Variants in INPP5B observed in about 807,000 individuals in gnomAD.
INPP5B encodes type II inositol 1,4,5-trisphosphate 5-phosphatase.
A neutral mutation model predicts 118.5 loss-of-function variants in INPP5B; 90 were observed. That is an observed-to-expected ratio of 0.76 (90% CI 0.64 to 0.90). The LOEUF (loss-of-function observed/expected upper bound fraction) is 0.90. INPP5B is among the 40% of genes least tolerant of loss of function. INPP5B has a pLI of 0.00. For missense variants in INPP5B, 984 were observed against 1,125.6 expected, an observed-to-expected ratio of 0.87 and a Z score of 1.80; for synonymous variants, 385 against 418.9, an observed-to-expected ratio of 0.92 and a Z score of 0.99.
chr1:37,874,680 C>T (rs1642681347), intron 17 of INPP5B, among the ~76,000 whole-genome samples: 1 of 152,140 alleles, frequency 6.6e-6, no homozygotes, highest in African/African-American at 2.4e-5. Flanking sequence ...GCCTGTAATC[C>T]CAGCTACTGG....
chr1:37,872,930 C>T lies in INPP5B; in HGVS notation c.2187G>A (p.Leu729=). 6.2e-7 allele frequency: 1 copy of T among 1,609,768 alleles called. No homozygotes were observed. Residue 729 remains leucine (L), a splice_region_variant and synonymous_variant, in exon 19 of 24, where the codon CTG becomes CTA. Transcript: ENST00000373024. Reference sequence around the variant, plus strand: ...TGTTTCTTTGTGGCATATTACTCACCAGCTCACTAATGGTTTCAAGTGGTA... The same window carrying T: ...TGTTTCTTTGTGGCATATTACTCACTAGCTCACTAATGGTTTCAAGTGGTA... ...LDLPLETISE[L]TLMPVWTGDD...
intron 7 of INPP5B, among the ~76,000 whole-genome samples, chr1:37,894,348 C>A (rs1643938119): frequency 6.6e-6 from 1 of 152,070 alleles, no homozygotes; most frequent in Non-Finnish European, 1.5e-5. Flanking sequence ...CCCTGTACTC[C>A]CCATCACAGT....
At chr1:37,926,527 C>T (rs956829113) in intron 7 of INPP5B, among the ~76,000 whole-genome samples, 1 of 152,122 alleles carries the variant, frequency 6.6e-6, no homozygotes, top group Non-Finnish European at 1.5e-5. Context: ...TGTGATCCGC[C>T]CACCTCGGCC....
At chr1:37,924,813 GA>G (rs1258832220) in intron 7 of INPP5B, among the ~76,000 whole-genome samples, 12 of 152,038 alleles carry the variant, frequency 7.9e-5, no homozygotes, top group Non-Finnish European at 2.9e-5. Flanking sequence ...AAGGCAGGCT[GA>G]ATCACTTGAG....
At chr1:37,909,818 C>T (rs570868055) in intron 7 of INPP5B, among the ~76,000 whole-genome samples, 71 of 152,296 alleles carry the variant, frequency 4.7e-4, no homozygotes, top group Admixed American at 1.7e-3. Flanking sequence ...TACTTGCCTC[C>T]GCTGTGAGAG....
At chr1:37,896,591 A>G (rs1267366334) in intron 7 of INPP5B, among the ~76,000 whole-genome samples, 166 of 72,548 alleles carry the variant, frequency 2.3e-3, no homozygotes, top group Middle Eastern at 0.012. Flanking sequence ...CCGTCCGGGA[A>G]GGAGGTGGGG....
rs140119278 is a variant in INPP5B, at chr1:37,936,072, T to A, written c.392-4019A>T. 4.1e-3 allele frequency among the ~76,000 whole-genome samples: 622 copies of A among 151,916 alleles called. 7 individuals are homozygous for A. The highest frequency in any genetic ancestry group is 0.013 in the African/African-American group (552 of 41,430). On this transcript the variant is annotated intron_variant, in intron 6 of 23. Transcript: ENST00000373024. ...CAGAGTGAGACTCCGTATCAAAAAA[T>A]AAATAAATAAATAAAATTCCTTAAT... is the stretch of plus-strand genomic sequence containing the variant.
Position 37,941,958 on chromosome 1 carries a change from A to AT in INPP5B, c.281-1161_281-1160insA, listed in dbSNP as rs1553163168. 270 of 30,210 alleles carry AT rather than the reference A, an allele frequency of 8.9e-3. 10 individuals carry two copies. The highest frequency in any genetic ancestry group is 0.019 in the South Asian group (22 of 1,176). The allele number at this position is 30,210 out of a possible 1,614,324, so 1.9% of individuals were successfully genotyped here. ...GTCTCAAAAAAAAAAAAAAAAAAAAAATATATATATATATATAAAATAAAA... is the reference window on the plus strand; with the variant it reads ...GTCTCAAAAAAAAAAAAAAAAAAAAATATATATATATATATATAAAATAAAA... On this transcript the variant is annotated intron_variant, in intron 5 of 23. Transcript: ENST00000373024.
intron 7 of INPP5B, chr1:37,931,424 G>A (rs1645452540): frequency 6.6e-7 from 1 of 1,517,906 alleles, no homozygotes; most frequent in Admixed American, 2.0e-5. Context: ...TCGGAACGGA[G>A]CTTTACTAAA....
intron 6 of INPP5B, among the ~76,000 whole-genome samples, chr1:37,935,533 C>T (rs1205861750): frequency 6.6e-6 from 1 of 151,532 alleles, no homozygotes; most frequent in Non-Finnish European, 1.5e-5. Flanking sequence ...TGAACGTGAC[C>T]CAAACTCACT....
At chr1:37,883,589 C>G in intron 13 of INPP5B, 1 of 985,434 alleles carries the variant, frequency 1.0e-6, no homozygotes, top group Non-Finnish European at 1.2e-6. Context: ...AGAATCTGCA[C>G]AGCAGTACAC....
chr1:37,905,741 C>G (rs1644481980), intron 7 of INPP5B, among the ~76,000 whole-genome samples: 1 of 152,210 alleles, frequency 6.6e-6, no homozygotes, highest in African/African-American at 2.4e-5. Context: ...GAAAAACTTT[C>G]AGGACTCATG....
rs1306595204 is a variant in INPP5B, at chr1:37,907,947, T to C, written c.533-16493A>G. On this transcript the variant is annotated intron_variant, in intron 7 of 23. Coordinates refer to ENST00000373024, the MANE Select transcript of INPP5B (RefSeq NM_005540.3). The surrounding 1 kb of genome is among the most constrained non-coding windows in gnomAD (Gnocchi z 4.3). ...CTTAACTGATGACATTCCACCATTGTGATTTGTTCCTGCCCCACCCTAAGT... is the reference window on the plus strand; with the variant it reads ...CTTAACTGATGACATTCCACCATTGCGATTTGTTCCTGCCCCACCCTAAGT... Among the ~76,000 whole-genome samples the C allele has an allele frequency of 6.6e-6, 1 of 152,168 alleles. No homozygotes were observed. The highest frequency in any genetic ancestry group is 6.5e-5 in the Admixed American group (1 of 15,282).
intron 3 of INPP5B, among the ~76,000 whole-genome samples, chr1:37,945,446 A>G (rs749550399): frequency 4.6e-5 from 7 of 152,116 alleles, no homozygotes; most frequent in Non-Finnish European, 1.0e-4. Context: ...CAAACAAACA[A>G]TAGATCATGT....
intron 3 of INPP5B, among the ~76,000 whole-genome samples, chr1:37,944,321 G>A (rs574754771): frequency 1.3e-5 from 2 of 152,282 alleles, no homozygotes; most frequent in African/African-American, 2.4e-5. Context: ...TACCAGCTAT[G>A]AGACCTTTGA....
At position 37,872,986 on chromosome 1, in the gene INPP5B, G is replaced by C. The variant is rs200574758; in HGVS notation, c.2131C>G (p.Leu711Val). 1.5e-5 allele frequency: 25 copies of C among 1,614,048 alleles called. No individual in the cohort carries two copies. Among genetic ancestry groups the C allele is most frequent in the Non-Finnish European group, 3.4e-6 (4 of 1,180,032 alleles). The stretch of plus-strand genomic sequence containing the variant: ...AAGATTGGCTCTCTCATGTAACACA[G>C]TGTATGAATGGGAGACCCAAAACAG... Reference protein sequence around the residue: ...PSCFGSPIHTLCYMREPILDL... With the variant: ...PSCFGSPIHTVCYMREPILDL... The change falls in exon 19 of 24, where the codon CTG becomes GTG. Residue 711 changes from leucine to valine, a missense_variant. Coordinates refer to ENST00000373024, the MANE Select transcript of INPP5B (RefSeq NM_005540.3).
rs1253265760 is a variant in INPP5B, at chr1:37,862,305, A to G, written c.*10T>C. 18 of 1,566,620 alleles carry G rather than the reference A, an allele frequency of 1.1e-5. No homozygotes were observed. The highest frequency in any genetic ancestry group is 2.7e-5 in the African/African-American group (2 of 73,900). On this transcript the variant is annotated 3_prime_UTR_variant, in exon 24 of 24. Coordinates refer to ENST00000373024, the MANE Select transcript of INPP5B (RefSeq NM_005540.3). ...TGGCAGCCTCAAGTAAAATAGGAGG[A>G]GAGAGAGGCTCAGAGTGGGTTGCAG... is the stretch of plus-strand genomic sequence containing the variant.
rs759408466 is a variant in INPP5B at position 37,875,603 on chromosome 1, T to C, written c.1788+3A>G. The C allele has an allele frequency of 1.1e-5, 17 of 1,608,140 alleles. No homozygotes were observed. The East Asian group carries it at 3.1e-4, about 30-fold the overall frequency. ...GCTAATATTCTTAACATGTCCTTCC[T>C]ACCTCTCGCTTGGACAGGGACACAG... On this transcript the variant is annotated splice_donor_region_variant and intron_variant, in intron 17 of 23. Coordinates refer to ENST00000373024, the MANE Select transcript of INPP5B (RefSeq NM_005540.3).
At chr1:37,944,345 C>T (rs1388042581) in intron 3 of INPP5B, among the ~76,000 whole-genome samples, 1 of 152,192 alleles carries the variant, frequency 6.6e-6, no homozygotes, top group Non-Finnish European at 1.5e-5. Context: ...CTATTACTCT[C>T]TCTCTGCTTC....
Sources: gnomAD v4.1 joint callset for allele counts (sites outside exome capture counted in the v4.1 genomes callset) on GRCh38, gnomAD v4.1.1 for gene constraint, Gnocchi (gnomAD v3.1) non-coding constraint, MANE v1.5 for transcripts, NCBI Gene and HGNC (gene_info 2026-07-23, HGNC 2026-07-21) for gene names.